The following ADRA1A variants were observed in gnomAD, a reference collection of about 807,000 sequenced individuals.
ADRA1A encodes the protein alpha-1A adrenergic receptor.
ADRA1A carries 31 observed loss-of-function variants against 29.6 expected under a neutral mutation model. That is an observed-to-expected ratio of 1.05 (90% confidence interval 0.79 to 1.41). The LOEUF (loss-of-function observed/expected upper bound fraction) is 1.41, where lower values mean the gene tolerates loss of function less well. Ranked by LOEUF, ADRA1A falls within the 40% of genes most tolerant of loss-of-function variation. ADRA1A has a pLI of 0.00. For synonymous variants in ADRA1A, 311 were observed against 254.3 expected (o/e 1.22, Z -2.12); for missense variants, 619 against 601.1 (o/e 1.03, Z -0.31).
intron 2 of ADRA1A, among the ~76,000 whole-genome samples, chr8:26,863,314 A>C (rs1385304504): frequency 1.3e-5 from 2 of 152,224 alleles, no homozygotes; most frequent in African/African-American, 4.8e-5. Context: ...CTAATTTAGC[A>C]TCTGCAAAAA....
chr8:26,864,865 G>T lies in ADRA1A; in HGVS notation c.105C>A (p.Gly35=), dbSNP rs1348362089. The T allele has an allele frequency of 1.2e-6, 2 of 1,613,950 alleles. No homozygotes were observed. The highest frequency in any genetic ancestry group is 8.5e-7 in the Non-Finnish European group (1 of 1,180,030). ...KAILLGVILG[G]LILFGVLGNI... ...TACCCAGCACCCCGAAAAGAATGAG[G>T]CCCCCCAAGATCACCCCGAGCAGAA... Residue 35 remains glycine (G), a synonymous_variant, in exon 2 of 3, where the codon GGC becomes GGA. Coordinates refer to ENST00000380573, the MANE Select transcript of ADRA1A (RefSeq NM_000680.4). This position sits in a 1 kb window ranked among gnomAD's most constrained non-coding sequence, Gnocchi z 8.1.
chr8:26,803,919 CTTTTTTTTTTTT>C lies in ADRA1A; in HGVS notation c.884-33265_884-33254del, dbSNP rs34314160. Among the ~76,000 whole-genome samples the C allele has an allele frequency of 5.2e-5, 5 of 95,246 alleles. No homozygotes were observed. In the East Asian group the frequency reaches 1.2e-3, roughly 23 times the overall value. The allele number at this position is 95,246 out of a possible 152,430, so 62.5% of individuals were successfully genotyped here. A position where few individuals can be genotyped will look rare whatever the true frequency, so the allele number is the denominator to read the frequency against. Reference sequence around the variant, plus strand: ...TGCAAAAGAATATTTTGGAAGTTTCCTTTTTTTTTTTTTTTTTTTTTTGAGATGATTTCACTC... The same window carrying C: ...TGCAAAAGAATATTTTGGAAGTTTCCTTTTTTTTTTGAGATGATTTCACTC... On this transcript the variant is annotated intron_variant, in intron 2 of 2. Transcript: ENST00000380573.
chr8:26,811,798 CT>C (rs1234552112), intron 2 of ADRA1A, among the ~76,000 whole-genome samples: 1 of 152,186 alleles, frequency 6.6e-6, no homozygotes, highest in Non-Finnish European at 1.5e-5. Flanking sequence ...GTTCGATCTG[CT>C]TTTGAACTTG....
In ADRA1A at chr8:26,865,694, C is replaced by T. The variant is rs538799421; in HGVS notation, c.-686-39G>A. Reference sequence around the variant, plus strand: ...AAGAGAAAGGCGGCTTTGAGCTAGGCGCCCCAGGGAAAGAGGCTGTGCTGA... The same window carrying T: ...AAGAGAAAGGCGGCTTTGAGCTAGGTGCCCCAGGGAAAGAGGCTGTGCTGA... On this transcript the variant is annotated intron_variant, in intron 1 of 2. Coordinates refer to ENST00000380573, the MANE Select transcript of ADRA1A (RefSeq NM_000680.4). The surrounding 1 kb of genome is among the most constrained non-coding windows in gnomAD (Gnocchi z 7.6). 2 of 985,762 alleles carry T rather than the reference C, an allele frequency of 2.0e-6. No individual in the cohort carries two copies. The highest frequency in any genetic ancestry group is 1.7e-5 in the African/African-American group (1 of 57,364). The allele number at this position is 985,762 out of a possible 1,614,324, so 61.1% of individuals were successfully genotyped here. A position where few individuals can be genotyped will look rare whatever the true frequency, so the allele number is the denominator to read the frequency against.
At chr8:26,789,050 G>T (rs575925268) in intron 2 of ADRA1A, among the ~76,000 whole-genome samples, 4 of 152,178 alleles carry the variant, frequency 2.6e-5, no homozygotes, top group Admixed American at 6.5e-5. Context: ...CGTCATCCAG[G>T]TTCCAAGCCC....
chr8:26,844,181 A>C (rs1812037774), intron 2 of ADRA1A, among the ~76,000 whole-genome samples: 2 of 152,188 alleles, frequency 1.3e-5, no homozygotes, highest in African/African-American at 4.8e-5. Flanking sequence ...CAAACACAGA[A>C]ATATTTCTGC....
chr8:26,764,078 G>A (rs1447749697), downstream of ADRA1A, among the ~76,000 whole-genome samples: 1 of 152,140 alleles, frequency 6.6e-6, no homozygotes, highest in African/African-American at 2.4e-5. Flanking sequence ...GTAAGCTGGG[G>A]ACTCTCTGTG....
chr8:26,853,160 T>A (rs1010860389), intron 2 of ADRA1A, among the ~76,000 whole-genome samples: 1 of 152,204 alleles, frequency 6.6e-6, no homozygotes, highest in Non-Finnish European at 1.5e-5. Context: ...TAAATCTAGA[T>A]CTGTATAGTT....
At chr8:26,752,379 A>G (rs543132503), downstream of ADRA1A, among the ~76,000 whole-genome samples, 1 of 152,320 alleles carries the variant, frequency 6.6e-6, no homozygotes, top group East Asian at 1.9e-4. Context: ...TATGCAAATG[A>G]GGTCTTTACC....
chr8:26,761,690 C>G (rs1490065207), downstream of ADRA1A, among the ~76,000 whole-genome samples: 1 of 152,194 alleles, frequency 6.6e-6, no homozygotes, highest in Non-Finnish European at 1.5e-5. Flanking sequence ...TTTGAAGCCA[C>G]CCCATTTGTT....
downstream of ADRA1A, among the ~76,000 whole-genome samples, chr8:26,755,596 G>C (rs1805127148): frequency 6.6e-6 from 1 of 152,146 alleles, no homozygotes; most frequent in Non-Finnish European, 1.5e-5. Context: ...TGGAACAACT[G>C]TTTCTGTTCC....
downstream of ADRA1A, chr8:26,765,768 C>A: frequency 8.4e-7 from 1 of 1,187,044 alleles, no homozygotes; most frequent in East Asian, 4.2e-5. Context: ...ACAGAGGCAG[C>A]ATCTTTTTTG....
At chr8:26,757,994 G>A (rs1249788346) in intron 2 of ADRA1A, among the ~76,000 whole-genome samples, 2 of 152,132 alleles carry the variant, frequency 1.3e-5, no homozygotes, top group Non-Finnish European at 2.9e-5. Context: ...GATGACAAAC[G>A]CCAGCCTTGG....
chr8:26,749,891 G>A (rs56746287), intron 2 of ADRA1A, among the ~76,000 whole-genome samples: 5,536 of 152,180 alleles, frequency 0.036, 327 homozygotes, highest in African/African-American at 0.13. Flanking sequence ...CCAGAAGAAG[G>A]CCTGGTCATG....
At position 26,859,035 on chromosome 8, in the gene ADRA1A, A is replaced by G. The variant is rs935273675; in HGVS notation, c.883+5052T>C. On this transcript the variant is annotated intron_variant, in intron 2 of 2. Coordinates refer to ENST00000380573, the MANE Select transcript of ADRA1A (RefSeq NM_000680.4). ...TGCAGTCAAATAGCCTACTCACCTGATTTTCCTGGGTCAGTCCCTATTAAA... is the reference window on the plus strand; with the variant it reads ...TGCAGTCAAATAGCCTACTCACCTGGTTTTCCTGGGTCAGTCCCTATTAAA... 8 of 1,241,004 alleles carry G rather than the reference A, an allele frequency of 6.4e-6. No homozygotes were observed. The African/African-American group carries it at 1.3e-4, about 19-fold the overall frequency. The allele number at this position is 1,241,004 out of a possible 1,614,324, so 76.9% of individuals were successfully genotyped here.
intron 2 of ADRA1A, among the ~76,000 whole-genome samples, chr8:26,780,087 T>A (rs998157653): frequency 6.6e-6 from 1 of 152,154 alleles, no homozygotes; most frequent in Non-Finnish European, 1.5e-5. Flanking sequence ...GCTGATAAGA[T>A]CAAGTCCAAG....
Position 26,865,787 on chromosome 8 carries a change from G to C in ADRA1A, c.-686-132C>G, listed in dbSNP as rs1246659936. 7.9e-6 allele frequency: 7 copies of C among 888,550 alleles called. No individual in the cohort carries two copies. The highest frequency in any genetic ancestry group is 9.4e-6 in the Non-Finnish European group (7 of 741,962). 55.0% of individuals were successfully genotyped at this position (888,550 alleles called of 1,614,324 possible). A position where few individuals can be genotyped will look rare whatever the true frequency, so the allele number is the denominator to read the frequency against. ...CTGCGGTCCAGAAGCTGCTTCGCCC[G>C]GCAGCGGTGGAGGCGACTTCGGAGC... On this transcript the variant is annotated intron_variant, in intron 1 of 2. Transcript: ENST00000380573. This position sits in a 1 kb window ranked among gnomAD's most constrained non-coding sequence, Gnocchi z 7.6.
chr8:26,827,898 A>T (rs1810696197), intron 2 of ADRA1A, among the ~76,000 whole-genome samples: 1 of 151,810 alleles, frequency 6.6e-6, no homozygotes, highest in South Asian at 2.1e-4. Flanking sequence ...ACTTTATTTT[A>T]TTATTATTTT....
At chr8:26,808,206 A>T (rs1461122414) in intron 2 of ADRA1A, among the ~76,000 whole-genome samples, 1 of 152,126 alleles carries the variant, frequency 6.6e-6, no homozygotes, top group Non-Finnish European at 1.5e-5. Context: ...TTATTTACTT[A>T]TGTTTCCTAC....
Sources: allele counts gnomAD v4.1 joint callset (sites outside exome capture counted in the v4.1 genomes callset), GRCh38; gene constraint gnomAD v4.1.1; non-coding constraint Gnocchi (gnomAD v3.1); transcripts MANE v1.5; gene names NCBI Gene and HGNC (gene_info 2026-07-23, HGNC 2026-07-21).